TAMM41: variants seen among roughly 807,000 people sequenced by gnomAD.
TAMM41 encodes TAM41 mitochondrial translocator assembly and maintenance homolog, also known as phosphatidate cytidylyltransferase, mitochondrial.
TAMM41 carries 36 observed loss-of-function variants against 44.1 expected under a neutral mutation model. The ratio of observed to expected loss-of-function variants is 0.82; its 90% confidence interval spans 0.63 to 1.08. The LOEUF is 1.08. Ranked by LOEUF, TAMM41 falls within the 50% of genes least tolerant of loss-of-function variation. The probability of loss-of-function intolerance (pLI) is 0.00; values close to 1 mark genes in which losing one functional copy is unlikely to be tolerated. For synonymous variants in TAMM41, 164 were observed against 153.1 expected, an observed-to-expected ratio of 1.07 and a Z score of -0.53; for missense variants, 417 against 404.3, an observed-to-expected ratio of 1.03 and a Z score of -0.27.
chr3:11,722,894 G>A, the TAMM41 span, among the ~76,000 whole-genome samples: 6 of 152,152 alleles, frequency 3.9e-5, no homozygotes, highest in Non-Finnish European at 5.9e-5. Context: ...GTTTGAACCC[G>A]GGAGGCTGCA....
At chr3:11,782,546 C>CAAA in the TAMM41 span, among the ~76,000 whole-genome samples, 1 of 70,144 alleles carries the variant, frequency 1.4e-5, no homozygotes, top group African/African-American at 5.1e-5. Flanking sequence ...GACCCTGTCT[C>CAAA]AAAAAAAAAA....
the TAMM41 span, among the ~76,000 whole-genome samples, chr3:11,771,673 C>T: frequency 6.6e-6 from 1 of 152,116 alleles, no homozygotes; most frequent in Non-Finnish European, 1.5e-5. Context: ...ACCTCCGCCT[C>T]CCAGGTTCAA....
the TAMM41 span, among the ~76,000 whole-genome samples, chr3:11,728,012 C>G: frequency 6.6e-6 from 1 of 152,094 alleles, no homozygotes. Flanking sequence ...GTCTCAAACT[C>G]CCAACCTCAG....
At chr3:11,797,079 A>G (rs1027043351) in intron 7 of TAMM41, among the ~76,000 whole-genome samples, 6 of 152,240 alleles carry the variant, frequency 3.9e-5, no homozygotes, top group African/African-American at 1.2e-4. Context: ...GCCTAAAGCA[A>G]TTTATATATT....
In TAMM41 at chr3:11,817,229, G is replaced by A; in HGVS notation, c.671C>T (p.Pro224Leu). 2 of 1,612,620 alleles carry A rather than the reference G, an allele frequency of 1.2e-6. No homozygotes were observed. The highest frequency in any genetic ancestry group is 1.7e-6 in the Non-Finnish European group (2 of 1,178,918). ...TTGCTGGCTTTTATACACCACTTGA[G>A]GATTTTCCTGTAGTATGCTGCCATA... The part of the protein sequence containing the change: ...ELYGSILQEN[P>L]QVVYKSQQGW... The change falls in exon 5 of 8, where the codon CCT (proline) becomes CTT (leucine). Residue 224 changes from proline to leucine, a missense_variant. Transcript: ENST00000455809.
chr3:11,827,297 T>C (rs2078790736), intron 4 of TAMM41, among the ~76,000 whole-genome samples: 1 of 123,232 alleles, frequency 8.1e-6, no homozygotes, highest in South Asian at 2.9e-4. Context: ...CTTTCTTTCT[T>C]TCTTTTCTTT....
chr3:11,733,001 T>G, the TAMM41 span, among the ~76,000 whole-genome samples: 32 of 35,102 alleles, frequency 9.1e-4, no homozygotes, highest in African/African-American at 1.4e-3. Flanking sequence ...TTTTTTTTTG[T>G]TTGTTTGTTT....
the TAMM41 span, among the ~76,000 whole-genome samples, chr3:11,783,768 T>C: frequency 6.6e-6 from 1 of 152,202 alleles, no homozygotes; most frequent in Non-Finnish European, 1.5e-5. Context: ...GAGCAGTGGT[T>C]AAGAGCACTG....
At chr3:11,772,237 A>ATTTTT in the TAMM41 span, among the ~76,000 whole-genome samples, 7 of 136,378 alleles carry the variant, frequency 5.1e-5, no homozygotes, top group Non-Finnish European at 1.6e-5. Flanking sequence ...CAGCTGGCTA[A>ATTTTT]TTTTTTTTTT....
chr3:11,785,170 T>C, the TAMM41 span, among the ~76,000 whole-genome samples: 1 of 152,124 alleles, frequency 6.6e-6, no homozygotes, highest in Non-Finnish European at 1.5e-5. Context: ...CTGCAAACTA[T>C]GTTGCCCAGG....
At chr3:11,735,837 G>T in the TAMM41 span, among the ~76,000 whole-genome samples, 1 of 152,248 alleles carries the variant, frequency 6.6e-6, no homozygotes, top group South Asian at 2.1e-4. Context: ...TGTGCCAGGC[G>T]AGGGCGCAGC....
chr3:11,724,015 ACTACT>A, the TAMM41 span, among the ~76,000 whole-genome samples: 2 of 152,076 alleles, frequency 1.3e-5, no homozygotes, highest in African/African-American at 2.4e-5. Context: ...GGGGGGTGAC[ACTACT>A]CTATCTGCTC....
At chr3:11,737,869 C>A in the TAMM41 span, among the ~76,000 whole-genome samples, 1 of 152,302 alleles carries the variant, frequency 6.6e-6, no homozygotes, top group Non-Finnish European at 1.5e-5. Flanking sequence ...TCGCTGGGCT[C>A]CTGTGGTTTT....
the TAMM41 span, among the ~76,000 whole-genome samples, chr3:11,767,813 T>C: frequency 2.0e-5 from 3 of 150,780 alleles, no homozygotes; most frequent in Admixed American, 6.6e-5. Context: ...TTAGTAGAGA[T>C]GGGGTTTCAC....
At chr3:11,800,760 C>T (rs915778992) in intron 7 of TAMM41, among the ~76,000 whole-genome samples, 50 of 152,174 alleles carry the variant, frequency 3.3e-4, no homozygotes, top group Non-Finnish European at 1.3e-4. Flanking sequence ...TACAGACCAT[C>T]GAGGCAAAAA....
the TAMM41 span, among the ~76,000 whole-genome samples, chr3:11,740,950 G>C: frequency 3.4e-5 from 5 of 146,452 alleles, no homozygotes; most frequent in Admixed American, 6.7e-5. Context: ...GCCGGGCGTG[G>C]TGGCTCACGC....
the TAMM41 span, among the ~76,000 whole-genome samples, chr3:11,733,801 G>T: frequency 2.0e-5 from 3 of 151,958 alleles, no homozygotes; most frequent in Non-Finnish European, 2.9e-5. Flanking sequence ...GGCCAGGGGG[G>T]TCCTGAGATT....
In TAMM41 at chr3:11,809,670, G is replaced by C; in HGVS notation, c.721C>G (p.Pro241Ala). The part of the protein sequence containing the change: ...QQGWLEIDKS[P>A]EGQFTQLMTL... Reference sequence around the variant, plus strand: ...ATCAGCTGAGTGAACTGTCCTTCTGGGCTTTTATCTATCTGAAGGGAGGAA... The same window carrying C: ...ATCAGCTGAGTGAACTGTCCTTCTGCGCTTTTATCTATCTGAAGGGAGGAA... The change falls in exon 6 of 8, where the codon CCA becomes GCA. Residue 241 changes from proline (P) to alanine (A), a missense_variant. By Grantham distance (27) the Pro-to-Ala change is conservative. Coordinates refer to ENST00000455809, the MANE Select transcript of TAMM41 (RefSeq NM_001284401.2). The C allele has an allele frequency of 1.2e-6, 2 of 1,610,286 alleles. No homozygotes were observed. Among genetic ancestry groups the C allele is most frequent in the East Asian group, 4.5e-5 (2 of 44,840 alleles).
chr3:11,764,806 TCAA>T, the TAMM41 span, among the ~76,000 whole-genome samples: 143 of 152,280 alleles, frequency 9.4e-4, no homozygotes, highest in African/African-American at 3.4e-3. Flanking sequence ...TTACTCTTTT[TCAA>T]TAAAGACAGC....
Sources: allele counts gnomAD v4.1 joint callset (sites outside exome capture counted in the v4.1 genomes callset), GRCh38; gene constraint gnomAD v4.1.1; transcripts MANE v1.5; gene names NCBI Gene and HGNC (gene_info 2026-07-23, HGNC 2026-07-21).